Variants in RBM26 observed in about 807,000 individuals in gnomAD.
The protein encoded by RBM26 is RNA binding motif protein 26.
In RBM26, 30 loss-of-function variants were observed where a neutral mutation model predicts 123.6. That is an observed-to-expected ratio of 0.24 (90% CI 0.18 to 0.33). The LOEUF is 0.33. Among genes scored for constraint, RBM26 ranks in the 10% least tolerant of loss-of-function variants. The pLI is 1.00. For missense variants in RBM26, 947 were observed against 1,203.6 expected (o/e 0.79, Z 3.15); for synonymous variants, 400 against 404.4 (o/e 0.99, Z 0.13).
chr13:79,356,400 A>G (rs12859592), intron 11 of RBM26, among the ~76,000 whole-genome samples: 3 of 146,978 alleles, frequency 2.0e-5, no homozygotes, highest in African/African-American at 7.5e-5. Flanking sequence ...AAAAAAAAAC[A>G]AAAAAGTAGT....
chr13:79,319,754 T>C lies in RBM26; in HGVS notation c.*867A>G, dbSNP rs1353258921. 7.1e-6 allele frequency: 7 copies of C among 982,436 alleles called. No individual in the cohort carries two copies. In the Admixed American group the frequency reaches 4.3e-4, roughly 61 times the overall value. The allele number at this position is 982,436 out of a possible 1,614,324, so 60.9% of individuals were successfully genotyped here. A position where few individuals can be genotyped will look rare whatever the true frequency, so the allele number is the denominator to read the frequency against. On this transcript the variant is annotated 3_prime_UTR_variant, in exon 22 of 22. Coordinates refer to ENST00000438737, the MANE Select transcript of RBM26 (RefSeq NM_001366735.2). The stretch of plus-strand genomic sequence containing the variant: ...AGGATCAAACCAAACTCAAGTGGTA[T>C]AATTTTTAAACATTGGATTGTACAT...
At chr13:79,372,894 A>T (rs9593393) in intron 3 of RBM26, among the ~76,000 whole-genome samples, 2 of 31,256 alleles carry the variant, frequency 6.4e-5, no homozygotes, top group Non-Finnish European at 9.4e-5. Flanking sequence ...TGCTATATAA[A>T]ATATATCTTA....
chr13:79,343,748 C>T (rs1031348109), intron 16 of RBM26, among the ~76,000 whole-genome samples: 5 of 151,836 alleles, frequency 3.3e-5, no homozygotes, highest in Non-Finnish European at 7.4e-5. Flanking sequence ...TGTGACATTT[C>T]AACAATTATT....
At chr13:79,393,488 G>GA (rs1398186119) in intron 1 of RBM26, among the ~76,000 whole-genome samples, 1 of 152,174 alleles carries the variant, frequency 6.6e-6, no homozygotes, top group African/African-American at 2.4e-5. Flanking sequence ...GACAAGAAGT[G>GA]AGGTTGCTGC....
chr13:79,402,867 C>CCA, intron 1 of RBM26, among the ~76,000 whole-genome samples: 1 of 21,778 alleles, frequency 4.6e-5, no homozygotes, highest in African/African-American at 1.3e-4. Flanking sequence ...TTGTTACCTA[C>CCA]TATATCTTGC....
rs1566508328 is a variant in RBM26 at position 79,373,472 on chromosome 13, A to AT, written c.328-1543_328-1542insA. Reference sequence around the variant, plus strand: ...ATATATAAATATATATAATATGTATAAATATACAAATATATATAATATGTA... The same window carrying AT: ...ATATATAAATATATATAATATGTATATAATATACAAATATATATAATATGTA... On this transcript the variant is annotated intron_variant, in intron 3 of 21. Coordinates refer to ENST00000438737, the MANE Select transcript of RBM26 (RefSeq NM_001366735.2). 0.022 allele frequency among the ~76,000 whole-genome samples: 16 copies of AT among 742 alleles called. 1 individual carries two copies. The South Asian group carries it at 0.33, about 15-fold the overall frequency. The allele number at this position is 742 out of a possible 152,430, so 0.5% of individuals were successfully genotyped here.
chr13:79,321,832 CT>C (rs1021845158), intron 21 of RBM26, among the ~76,000 whole-genome samples: 4 of 151,404 alleles, frequency 2.6e-5, no homozygotes, highest in African/African-American at 9.7e-5. Flanking sequence ...ATCAGTCTGC[CT>C]TTTATTGTAA....
intron 20 of RBM26, among the ~76,000 whole-genome samples, chr13:79,331,791 T>C (rs141947586): frequency 2.6e-5 from 4 of 152,302 alleles, no homozygotes; most frequent in African/African-American, 9.6e-5. Flanking sequence ...AAAGATAATA[T>C]TCAAATCAGT....
chr13:79,395,572 T>C (rs1325183036), intron 1 of RBM26, among the ~76,000 whole-genome samples: 1 of 151,804 alleles, frequency 6.6e-6, no homozygotes, highest in African/African-American at 2.4e-5. Context: ...AGACCCCATC[T>C]CTACAAAAAA....
chr13:79,349,676 G>GA (rs901059804), intron 14 of RBM26, among the ~76,000 whole-genome samples: 48 of 145,146 alleles, frequency 3.3e-4, no homozygotes, highest in Non-Finnish European at 5.1e-4. Context: ...TAACAGTTAA[G>GA]AAAAAAAAAC....
At position 79,354,303 on chromosome 13, in the gene RBM26, A is replaced by G. The variant is rs1206896445; in HGVS notation, c.1986+136T>C. ...AAATTAAAAAAAAAAAAACAACCTT[A>G]TAGGTGGGGTTCAAATATGTAAAGA... On this transcript the variant is annotated intron_variant, in intron 13 of 21. Coordinates refer to ENST00000438737, the MANE Select transcript of RBM26 (RefSeq NM_001366735.2). 4 of 650,526 alleles carry G rather than the reference A, an allele frequency of 6.1e-6. No homozygotes were observed. In the East Asian group the frequency reaches 1.4e-4, roughly 22 times the overall value. The allele number at this position is 650,526 out of a possible 1,614,324, so 40.3% of individuals were successfully genotyped here.
At chr13:79,349,685 A>AG (rs952764005) in intron 14 of RBM26, among the ~76,000 whole-genome samples, 1 of 151,954 alleles carries the variant, frequency 6.6e-6, no homozygotes, top group African/African-American at 2.4e-5. Context: ...AGAAAAAAAA[A>AG]CTATGATAAA....
intron 3 of RBM26, among the ~76,000 whole-genome samples, chr13:79,374,024 T>C (rs1351396793): frequency 2.0e-5 from 3 of 151,884 alleles, no homozygotes; most frequent in East Asian, 3.9e-4. Context: ...ATCGTGCAAG[T>C]GGCTTCTATA....
intron 20 of RBM26, among the ~76,000 whole-genome samples, chr13:79,334,069 AAAAG>A (rs1336204448): frequency 3.3e-5 from 5 of 152,288 alleles, no homozygotes; most frequent in African/African-American, 9.6e-5. Flanking sequence ...TCTACTATGA[AAAAG>A]AAAGAAAGGA....
At chr13:79,342,930 T>A (rs1407105365) in intron 16 of RBM26, 99 bp from the exon 17 acceptor site, 5 of 744,836 alleles carry the variant, frequency 6.7e-6, no homozygotes, top group African/African-American at 1.8e-5. Flanking sequence ...TATTACTACT[T>A]TTTTTAGTTT....
rs1243542508 is a variant in RBM26, at chr13:79,337,161, C to T, written c.2674G>A (p.Ala892Thr). The change falls in exon 19 of 22, where the codon GCA (alanine) becomes ACA (threonine). Residue 892 changes from alanine to threonine, a missense_variant. Physicochemically the swap from Ala to Thr is moderately conservative, Grantham distance 58. This residue lies in a region of RBM26 where 164 missense variants were observed against 215.3 expected (regional missense o/e 0.76). Transcript: ENST00000438737. The part of the protein sequence containing the change: ...GHAVVDHRPR[A>T]LEISAFTESD... The stretch of plus-strand genomic sequence containing the variant: ...TCCGTAAATGCAGAAATCTCCAATG[C>T]CCTGGGACGGTGATCCACCACAGCA... The T allele has an allele frequency of 3.7e-6, 6 of 1,614,138 alleles. No homozygotes were observed. The highest frequency in any genetic ancestry group is 4.5e-5 in the East Asian group (2 of 44,858).
At chr13:79,374,881 AG>A (rs953387878) in intron 3 of RBM26, among the ~76,000 whole-genome samples, 6 of 151,794 alleles carry the variant, frequency 4.0e-5, no homozygotes, top group Admixed American at 3.3e-4. Flanking sequence ...TTGAAAAAAC[AG>A]GAAGTATTAT....
rs1358300568 is a variant in RBM26, at chr13:79,378,761, A to G, written c.190+28T>C. The G allele has an allele frequency of 5.2e-6, 7 of 1,335,936 alleles. No homozygotes were observed. The Admixed American group carries it at 1.1e-4, about 21-fold the overall frequency. The allele number at this position is 1,335,936 out of a possible 1,614,324, so 82.8% of individuals were successfully genotyped here. A position where few individuals can be genotyped will look rare whatever the true frequency, so the allele number is the denominator to read the frequency against. ...AGCCTTAAATAACTTTTTAAAATAT[A>G]GTAGTATTTTTAAACCAAAGATCTT... On this transcript the variant is annotated intron_variant, in intron 2 of 21. Transcript: ENST00000438737.
In RBM26 at chr13:79,337,197, C is replaced by T. The variant is rs1175997311; in HGVS notation, c.2638G>A (p.Val880Met). The T allele has an allele frequency of 1.9e-6, 3 of 1,614,038 alleles. No homozygotes were observed. Among genetic ancestry groups the T allele is most frequent in the African/African-American group, 1.3e-5 (1 of 74,932 alleles). The part of the protein sequence containing the change: ...RGRGRGRGRG[V>M]PGHAVVDHRP... ...TGATCCACCACAGCATGACCAGGCA[C>T]ACCTCGCCCTCGCCCTCGCCCCCTG... Residue 880 changes from valine (V) to methionine (M), a missense_variant, in exon 19 of 22, where the codon GTG (valine) becomes ATG (methionine). Coordinates refer to ENST00000438737, the MANE Select transcript of RBM26 (RefSeq NM_001366735.2).
Sources: allele counts gnomAD v4.1 joint callset (sites outside exome capture counted in the v4.1 genomes callset), GRCh38; gene constraint gnomAD v4.1.1; regional missense constraint gnomAD v4.1.1; transcripts MANE v1.5; gene names NCBI Gene and HGNC (gene_info 2026-07-23, HGNC 2026-07-21).